Variants in GPC3 observed in about 807,000 individuals in gnomAD.
GPC3 encodes glypican 3.
A neutral mutation model predicts 34.4 loss-of-function variants in GPC3; 3 were observed. That is an observed-to-expected ratio of 0.09 (90% confidence interval 0.04 to 0.23). The LOEUF is 0.23. GPC3 is among the 10% of genes least tolerant of loss of function. The pLI, the probability that GPC3 is intolerant of heterozygous loss-of-function variation, is 1.00. For synonymous variants in GPC3, 177 were observed against 174.0 expected (o/e 1.02, Z -0.13); for missense variants, 351 against 445.6 (o/e 0.79, Z 1.91).
At chrX:133,548,504 A>G (rs1275758521) in intron 7 of GPC3, among the ~76,000 whole-genome samples, 1 of 112,337 alleles carries the variant, frequency 8.9e-6, no homozygotes, top group South Asian at 3.7e-4. Flanking sequence ...GTACTCATAC[A>G]ATAGCCAAGG....
intron 7 of GPC3, among the ~76,000 whole-genome samples, chrX:133,557,167 G>A (rs1241147692): frequency 9.1e-5 from 10 of 109,676 alleles, no homozygotes; most frequent in African/African-American, 2.6e-4. Flanking sequence ...GGTGGCGGGC[G>A]CCTGTAGTCC....
intron 2 of GPC3, among the ~76,000 whole-genome samples, chrX:133,947,889 G>A (rs995233564): frequency 2.7e-5 from 3 of 111,300 alleles, no homozygotes; most frequent in African/African-American, 6.5e-5. Flanking sequence ...ATTTAGCCTC[G>A]GCAAATGAAT....
intron 7 of GPC3, among the ~76,000 whole-genome samples, chrX:133,538,723 T>C (rs1464215848): frequency 9.7e-6 from 1 of 102,881 alleles, no homozygotes; most frequent in Non-Finnish European, 2.0e-5. Flanking sequence ...GGCTGCAGTA[T>C]AGTGGTGCGA....
intron 3 of GPC3, among the ~76,000 whole-genome samples, chrX:133,741,195 C>T (rs1179949729): frequency 1.8e-5 from 2 of 109,001 alleles, no homozygotes; most frequent in East Asian, 2.9e-4. Context: ...GAAGAAAGCC[C>T]TTGCCAGAGA....
chrX:133,633,585 A>T (rs940012978), intron 6 of GPC3, among the ~76,000 whole-genome samples: 5 of 112,132 alleles, frequency 4.5e-5, no homozygotes, highest in African/African-American at 1.6e-4. Flanking sequence ...TGGGGTCAAG[A>T]GTCGGCTCTA....
intron 7 of GPC3, among the ~76,000 whole-genome samples, chrX:133,570,039 C>T (rs1050149406): frequency 3.7e-5 from 4 of 107,911 alleles, no homozygotes; most frequent in East Asian, 2.9e-4. Flanking sequence ...CTACAGGCAC[C>T]GACCACCATG....
chrX:133,818,210 A>T (rs2075701780), intron 2 of GPC3, among the ~76,000 whole-genome samples: 1 of 111,705 alleles, frequency 9.0e-6, no homozygotes, highest in Admixed American at 9.6e-5. Context: ...ATCAATACCA[A>T]TTTTTTTCTT....
intron 7 of GPC3, among the ~76,000 whole-genome samples, chrX:133,589,041 G>T (rs2069820459): frequency 9.0e-6 from 1 of 111,349 alleles, no homozygotes; most frequent in Non-Finnish European, 1.9e-5. Context: ...ATGGCAAAAG[G>T]GACCAGTCAC....
rs1279733639 is a variant in GPC3 at position 133,615,834 on chromosome X, A to G, written c.1414-19235T>C. Among the ~76,000 whole-genome samples the G allele has an allele frequency of 2.7e-5, 3 of 111,358 alleles. No homozygotes were observed. The South Asian group carries it at 1.1e-3, about 43-fold the overall frequency. On this transcript the variant is annotated intron_variant, in intron 6 of 7. Coordinates refer to ENST00000370818, the MANE Select transcript of GPC3 (RefSeq NM_004484.4). ...ATGATTATCACAATAGATGCAGAAA[A>G]AGCATTTGACAAAATCCAACAGCCT...
At chrX:133,812,666 G>A (rs771795313) in intron 2 of GPC3, among the ~76,000 whole-genome samples, 3 of 112,040 alleles carry the variant, frequency 2.7e-5, no homozygotes, top group African/African-American at 6.5e-5. Flanking sequence ...CTAAATCTAC[G>A]ACGTTTGAAT....
At chrX:133,702,770 T>G (rs1320599067) in intron 3 of GPC3, among the ~76,000 whole-genome samples, 2 of 111,649 alleles carry the variant, frequency 1.8e-5, no homozygotes, top group Admixed American at 9.5e-5. Flanking sequence ...CAAACAATGG[T>G]GTCCTGCCAA....
intron 5 of GPC3, among the ~76,000 whole-genome samples, chrX:133,671,961 G>C (rs2070831184): frequency 9.0e-6 from 1 of 111,669 alleles, no homozygotes; most frequent in Admixed American, 9.6e-5. Flanking sequence ...GCTATATGAG[G>C]GAATAACTGC....
chrX:133,749,217 A>G (rs770467766), intron 3 of GPC3, among the ~76,000 whole-genome samples: 23 of 112,343 alleles, frequency 2.0e-4, no homozygotes, highest in Admixed American at 1.8e-3. Context: ...GCCAAGATCG[A>G]GCCACTGCAC....
chrX:133,854,326 T>C lies in GPC3; in HGVS notation c.337+98724A>G, dbSNP rs143415797. Reference sequence around the variant, plus strand: ...GGGATTCTTTTTTCACATGAAGAGATTTCAAAAGCTATTTCAGCAACTTAA... The same window carrying C: ...GGGATTCTTTTTTCACATGAAGAGACTTCAAAAGCTATTTCAGCAACTTAA... On this transcript the variant is annotated intron_variant, in intron 2 of 7. Coordinates refer to ENST00000370818, the MANE Select transcript of GPC3 (RefSeq NM_004484.4). 3.6e-3 allele frequency among the ~76,000 whole-genome samples: 405 copies of C among 112,167 alleles called. 3 individuals carry two copies. Among genetic ancestry groups the C allele is most frequent in the African/African-American group, 0.012 (381 of 30,836 alleles).
At chrX:133,578,788 T>C (rs1041109232) in intron 7 of GPC3, among the ~76,000 whole-genome samples, 10 of 111,150 alleles carry the variant, frequency 9.0e-5, no homozygotes, top group African/African-American at 2.6e-4. Context: ...TTTGGTGGTG[T>C]TTCCCTGTAG....
At chrX:133,898,463 T>C (rs2076129185) in intron 2 of GPC3, among the ~76,000 whole-genome samples, 2 of 112,407 alleles carry the variant, frequency 1.8e-5, no homozygotes, top group African/African-American at 6.4e-5. Flanking sequence ...AAGATCTTTT[T>C]ACAGCATACA....
At chrX:133,547,587 G>A (rs962011475) in intron 7 of GPC3, among the ~76,000 whole-genome samples, 2 of 111,724 alleles carry the variant, frequency 1.8e-5, no homozygotes, top group Non-Finnish European at 3.8e-5. Context: ...GATATAGATA[G>A]CTCTTCAACT....
At chrX:133,772,616 A>G (rs1255060229) in intron 2 of GPC3, among the ~76,000 whole-genome samples, 1 of 111,871 alleles carries the variant, frequency 8.9e-6, no homozygotes, top group Non-Finnish European at 1.9e-5. Context: ...GATATTGACA[A>G]TCTGGGTTGA....
chrX:133,649,271 T>C (rs1463561224), intron 6 of GPC3, among the ~76,000 whole-genome samples: 4 of 72,710 alleles, frequency 5.5e-5, no homozygotes, highest in Non-Finnish European at 1.3e-4. Context: ...TATATATATG[T>C]GTGTGTGTGT....
Sources: allele counts gnomAD v4.1 joint callset (sites outside exome capture counted in the v4.1 genomes callset), GRCh38; gene constraint gnomAD v4.1.1; transcripts MANE v1.5; gene names NCBI Gene and HGNC (gene_info 2026-07-23, HGNC 2026-07-21).